The following APPL2 variants were observed in gnomAD, a reference collection of about 807,000 sequenced individuals.
APPL2 encodes DCC-interacting protein 13-beta.
Under a neutral mutation model 92.7 loss-of-function variants are expected in APPL2, and 84 were observed. That is an observed-to-expected ratio of 0.91 (90% confidence interval 0.76 to 1.09). APPL2 has a LOEUF of 1.09. APPL2 is among the 50% of genes least tolerant of loss of function. The pLI, the probability that APPL2 is intolerant of heterozygous loss-of-function variation, is 0.00. For missense variants in APPL2, 736 were observed against 824.5 expected, an observed-to-expected ratio of 0.89 and a Z score of 1.31; for synonymous variants, 291 against 291.0, an observed-to-expected ratio of 1.00 and a Z score of 0.00.
At chr12:105,212,773 G>C (rs1566086100) in intron 4 of APPL2, among the ~76,000 whole-genome samples, 1 of 152,230 alleles carries the variant, frequency 6.6e-6, no homozygotes, top group African/African-American at 2.4e-5. Flanking sequence ...TCAACCTTCT[G>C]CACACGCATC....
chr12:105,199,785 T>C (rs770542548), intron 9 of APPL2, among the ~76,000 whole-genome samples: 5 of 152,166 alleles, frequency 3.3e-5, no homozygotes, highest in Non-Finnish European at 5.9e-5. Context: ...CATTGAACTA[T>C]GCTTGAACCC....
chr12:105,176,332 A>G (rs1190044575), intron 19 of APPL2: 2 of 544,876 alleles, frequency 3.7e-6, no homozygotes, highest in African/African-American at 2.0e-5. Context: ...CCAGTGTTAA[A>G]AGTTCTTAAT....
rs758807023 is a variant in APPL2 at position 105,203,684 on chromosome 12, G to A, written c.704+19C>T. On this transcript the variant is annotated intron_variant, in intron 9 of 20. Transcript: ENST00000258530. ...GAAAGGCAAGGGGCACACAAGACCC[G>A]GCCGGAGTGCAGCATTACCTTTGAA... The A allele has an allele frequency of 3.2e-5, 51 of 1,613,048 alleles. 1 individual carries two copies. The highest frequency in any genetic ancestry group is 1.3e-4 in the Admixed American group (8 of 60,002).
chr12:105,186,263 C>T (rs777650202), intron 17 of APPL2, among the ~76,000 whole-genome samples: 1 of 152,014 alleles, frequency 6.6e-6, no homozygotes, highest in Non-Finnish European at 1.5e-5. Flanking sequence ...CCAAAATGCT[C>T]CAATGAGCAT....
intron 17 of APPL2, among the ~76,000 whole-genome samples, chr12:105,177,918 G>A (rs1036697887): frequency 1.3e-5 from 2 of 152,122 alleles, no homozygotes; most frequent in African/African-American, 2.4e-5. Flanking sequence ...AGCCTCCTGA[G>A]TAGCTGGGAT....
chr12:105,229,537 A>C (rs1346072573), intron 1 of APPL2: 1 of 1,028,006 alleles, frequency 9.7e-7, no homozygotes, highest in Non-Finnish European at 1.2e-6. Flanking sequence ...CCTAAGCACC[A>C]GTAAAGTCTA....
chr12:105,180,159 A>C (rs1463914863), intron 17 of APPL2, among the ~76,000 whole-genome samples: 2 of 152,162 alleles, frequency 1.3e-5, no homozygotes. Flanking sequence ...ATAAGGTGTT[A>C]AGAGGAAGGG....
intron 16 of APPL2, among the ~76,000 whole-genome samples, chr12:105,189,042 A>C (rs1260274268): frequency 6.6e-6 from 1 of 152,098 alleles, no homozygotes; most frequent in Admixed American, 6.5e-5. Context: ...TTTTTGAGAC[A>C]GGGTCTCACT....
At chr12:105,202,274 C>T (rs771971709) in intron 9 of APPL2, among the ~76,000 whole-genome samples, 5 of 152,114 alleles carry the variant, frequency 3.3e-5, no homozygotes, top group South Asian at 2.1e-4. Context: ...CAGACCCTGA[C>T]GTTAATGCCC....
chr12:105,224,285 T>C (rs986608523), intron 2 of APPL2, among the ~76,000 whole-genome samples: 1 of 152,194 alleles, frequency 6.6e-6, no homozygotes, highest in African/African-American at 2.4e-5. Context: ...ACACACTGAT[T>C]AGAACATTTA....
intron 9 of APPL2, among the ~76,000 whole-genome samples, chr12:105,200,469 C>T (rs886509930): frequency 2.0e-5 from 3 of 152,222 alleles, no homozygotes; most frequent in Non-Finnish European, 2.9e-5. Context: ...GGTAAGTGGG[C>T]GGATGGCCTG....
At chr12:105,191,542 A>G (rs1311185979) in intron 14 of APPL2, among the ~76,000 whole-genome samples, 3 of 152,194 alleles carry the variant, frequency 2.0e-5, no homozygotes, top group African/African-American at 7.2e-5. Flanking sequence ...ATAGATAACA[A>G]TCAAGATAGG....
At position 105,225,592 on chromosome 12, in the gene APPL2, T is replaced by C. The variant is rs139455118; in HGVS notation, c.153+3533A>G. 3.5e-3 allele frequency among the ~76,000 whole-genome samples: 537 copies of C among 152,306 alleles called. 3 individuals carry two copies. The highest frequency in any genetic ancestry group is 4.8e-3 in the Non-Finnish European group (329 of 68,022). ...CTTATTTAGCCAATAGTTTGAAAAA[T>C]AGACTGTTCTAAGTAACCAGGCTCT... On this transcript the variant is annotated intron_variant, in intron 2 of 20. Transcript: ENST00000258530.
chr12:105,228,639 C>T lies in APPL2; in HGVS notation c.153+486G>A, dbSNP rs139265438. 2.4e-3 allele frequency among the ~76,000 whole-genome samples: 357 copies of T among 151,100 alleles called. 2 individuals carry two copies. Among genetic ancestry groups the T allele is most frequent in the African/African-American group, 8.1e-3 (333 of 41,302 alleles). On this transcript the variant is annotated intron_variant, in intron 2 of 20. Transcript: ENST00000258530. ...GCTACTCAGCAATTTCTTTTGCATGCTTTTGCAAGCCAGAGATATTTGTTC... is the reference window on the plus strand; with the variant it reads ...GCTACTCAGCAATTTCTTTTGCATGTTTTTGCAAGCCAGAGATATTTGTTC...
Position 105,199,545 on chromosome 12 carries a change from G to A in APPL2, c.705-14C>T, listed in dbSNP as rs768216695. 6.2e-7 allele frequency: 1 copy of A among 1,611,686 alleles called. No homozygotes were observed. On this transcript the variant is annotated splice_polypyrimidine_tract_variant and intron_variant, in intron 9 of 20. Transcript: ENST00000258530. ...TCTACCTGAATGCTTAAGACAGAAG[G>A]TGTTGGGTCAGTTACTCACTGCTGG...
chr12:105,180,463 T>G (rs1285205627), intron 17 of APPL2, among the ~76,000 whole-genome samples: 2 of 152,222 alleles, frequency 1.3e-5, no homozygotes, highest in Non-Finnish European at 2.9e-5. Context: ...ATGCGGGCTC[T>G]TTTTTGGTTC....
intron 17 of APPL2, among the ~76,000 whole-genome samples, chr12:105,182,128 T>A (rs1257184135): frequency 6.6e-6 from 1 of 152,142 alleles, no homozygotes; most frequent in Non-Finnish European, 1.5e-5. Context: ...TGGGTTCAAG[T>A]GATTCTCCTG....
chr12:105,185,101 C>T (rs1886482030), intron 17 of APPL2, among the ~76,000 whole-genome samples: 1 of 152,140 alleles, frequency 6.6e-6, no homozygotes, highest in African/African-American at 2.4e-5. Context: ...GCGGATGCCC[C>T]TCCCCCCCAC....
chr12:105,212,522 T>C (rs1436730265), intron 4 of APPL2, among the ~76,000 whole-genome samples: 1 of 152,212 alleles, frequency 6.6e-6, no homozygotes, highest in Non-Finnish European at 1.5e-5. Flanking sequence ...GCTGGTGAGA[T>C]CTAAGATTCG....
Sources: allele counts gnomAD v4.1 joint callset (sites outside exome capture counted in the v4.1 genomes callset), GRCh38; gene constraint gnomAD v4.1.1; transcripts MANE v1.5; gene names NCBI Gene and HGNC (gene_info 2026-07-23, HGNC 2026-07-21).